Variants in SRP72 observed in about 807,000 individuals in gnomAD.
SRP72 encodes signal recognition particle subunit SRP72.
Under a neutral mutation model 96.3 loss-of-function variants are expected in SRP72, and 49 were observed. The ratio of observed to expected loss-of-function variants is 0.51; its 90% CI spans 0.40 to 0.65. SRP72 has a LOEUF of 0.65. SRP72 is among the 30% of genes least tolerant of loss of function. The pLI is 0.00. For missense variants in SRP72, 736 were observed against 793.3 expected (o/e 0.93, Z 0.87); for synonymous variants, 267 against 275.2 (o/e 0.97, Z 0.30).
chr4:56,473,907 T>C, intron 3 of SRP72, 147 bp from the exon 4 acceptor site: 1 of 730,216 alleles, frequency 1.4e-6, no homozygotes, highest in East Asian at 2.8e-5. Flanking sequence ...CATGGAACTA[T>C]TTAAAAATTA....
At position 56,502,512 on chromosome 4, in the gene SRP72, T is replaced by A. The variant is rs1425668340; in HGVS notation, c.*651T>A. On this transcript the variant is annotated 3_prime_UTR_variant, in exon 19 of 19. Coordinates refer to ENST00000642900, the MANE Select transcript of SRP72 (RefSeq NM_006947.4). ...ATATATATACATATATATATATATA[T>A]AAACATGAAATATATATATATGGCT... The A allele has an allele frequency of 6.2e-5, 9 of 146,332 alleles. No homozygotes were observed. The highest frequency in any genetic ancestry group is 1.0e-4 in the Non-Finnish European group (7 of 66,676). The allele number at this position is 146,332 out of a possible 1,614,324, so 9.1% of individuals were successfully genotyped here.
At chr4:56,482,110 G>A (rs1050864114) in intron 8 of SRP72, among the ~76,000 whole-genome samples, 5 of 147,692 alleles carry the variant, frequency 3.4e-5, no homozygotes, top group Non-Finnish European at 7.5e-5. Context: ...TCATATCTCT[G>A]TATCAGTATT....
Position 56,478,384 on chromosome 4 carries a change from G to A in SRP72, c.648G>A (p.Gly216=). The A allele has an allele frequency of 6.2e-7, 1 of 1,602,498 alleles. No homozygotes were observed. The highest frequency in any genetic ancestry group is 8.5e-7 in the Non-Finnish European group (1 of 1,175,918). Residue 216 remains glycine, a synonymous_variant, in exon 7 of 19, where the codon GGG becomes GGA. Transcript: ENST00000642900. The part of the protein sequence containing the change: ...CRRSLSEDTD[G]TEEDPQAELA... ...AAAACATTTCTTTCTCTTAGGATGG[G>A]ACTGAGGAAGACCCACAGGCAGAAC...
intron 14 of SRP72, 33 bp from the exon 15 acceptor site, chr4:56,490,535 A>G (rs1395607905): frequency 1.9e-6 from 3 of 1,606,848 alleles, no homozygotes; most frequent in Non-Finnish European, 2.6e-6. Context: ...AGTTTTATAA[A>G]CAGTTCAATA....
At position 56,473,637 on chromosome 4, in the gene SRP72, C is replaced by T. The variant is rs149006594; in HGVS notation, c.355-417C>T. 5.2e-3 allele frequency among the ~76,000 whole-genome samples: 763 copies of T among 147,718 alleles called. 4 individuals are homozygous for T. The highest frequency in any genetic ancestry group is 6.9e-3 in the Non-Finnish European group (463 of 67,094). ...AAAATTAGCCAGGCATGGTGGCGCA[C>T]GTCTGTAATCTCAGCTACTCGGGAG... On this transcript the variant is annotated intron_variant, in intron 3 of 18. Coordinates refer to ENST00000642900, the MANE Select transcript of SRP72 (RefSeq NM_006947.4).
intron 9 of SRP72, among the ~76,000 whole-genome samples, chr4:56,484,039 T>TTTTTTTTTTTTTG (rs1720609804): frequency 7.3e-6 from 1 of 136,178 alleles, no homozygotes; most frequent in Non-Finnish European, 1.6e-5. Context: ...TTTTTTTTTT[T>TTTTTTTTTTTTTG]TTTTTTTTTT....
At chr4:56,494,191 T>C (rs905861347) in intron 16 of SRP72, among the ~76,000 whole-genome samples, 5 of 152,104 alleles carry the variant, frequency 3.3e-5, no homozygotes, top group Non-Finnish European at 7.4e-5. Context: ...GGGTAAGAGA[T>C]GAAACACTCA....
intron 12 of SRP72, chr4:56,489,120 C>A (rs1560685112): frequency 3.2e-6 from 1 of 313,716 alleles, no homozygotes; most frequent in South Asian, 9.1e-5. Flanking sequence ...TTCTCAACTT[C>A]TGTACTTACC....
At chr4:56,474,412 A>G (rs759175771) in intron 5 of SRP72, 21 bp downstream of exon 5, 2 of 1,595,760 alleles carry the variant, frequency 1.3e-6, no homozygotes, top group Non-Finnish European at 1.7e-6. Flanking sequence ...TGTTAAACTT[A>G]TCTGTAAATA....
At chr4:56,468,979 G>T (rs1042924863) in intron 1 of SRP72, among the ~76,000 whole-genome samples, 11 of 152,202 alleles carry the variant, frequency 7.2e-5, no homozygotes, top group Non-Finnish European at 2.9e-5. Flanking sequence ...ACAGTTGTTA[G>T]CGTTGAAACT....
intron 15 of SRP72, 66 bp from the exon 16 acceptor site, chr4:56,491,365 C>A: frequency 6.5e-7 from 1 of 1,539,834 alleles, no homozygotes; most frequent in South Asian, 1.3e-5. Flanking sequence ...CATTGGCAAA[C>A]ATATATATCT....
intron 1 of SRP72, 85 bp downstream of exon 1, chr4:56,467,829 G>A: frequency 1.6e-6 from 2 of 1,273,952 alleles, no homozygotes; most frequent in South Asian, 1.8e-5. Context: ...ACCTCGCGCG[G>A]GAGGCACGGG....
chr4:56,487,986 A>G lies in SRP72; in HGVS notation c.1197A>G (p.Ile399Met). 2.5e-6 allele frequency: 4 copies of G among 1,600,630 alleles called. No homozygotes were observed. The highest frequency in any genetic ancestry group is 3.4e-6 in the Non-Finnish European group (4 of 1,176,776). ...ISKACLILRS[I>M]EELKHKPGMV... ...AAGCATGTCTAATATTGAGAAGCAT[A>G]GAGGAGTTAAAGCATAAACCAGGCA... The change falls in exon 12 of 19, where the codon ATA becomes ATG. Residue 399 changes from isoleucine (I) to methionine (M), a missense_variant. Physicochemically the swap from Ile to Met is conservative, Grantham distance 10. This residue lies in a region of SRP72 where 388 missense variants were observed against 431.8 expected (regional missense o/e 0.90). Coordinates refer to ENST00000642900, the MANE Select transcript of SRP72 (RefSeq NM_006947.4).
intron 2 of SRP72, among the ~76,000 whole-genome samples, chr4:56,471,413 C>T (rs1169603168): frequency 1.3e-5 from 2 of 152,174 alleles, no homozygotes; most frequent in African/African-American, 4.8e-5. Flanking sequence ...TTCAGATTAT[C>T]TTTGTATCTA....
At position 56,481,365 on chromosome 4, in the gene SRP72, T is replaced by G. The variant is rs1720476652; in HGVS notation, c.826-1774T>G. 2.0e-5 allele frequency among the ~76,000 whole-genome samples: 3 copies of G among 152,226 alleles called. No homozygotes were observed. In the South Asian group the frequency reaches 6.2e-4, roughly 31 times the overall value. On this transcript the variant is annotated intron_variant, in intron 8 of 18. Transcript: ENST00000642900. The stretch of plus-strand genomic sequence containing the variant: ...ATTGTGCACAAAGTAGATACTCACA[T>G]GCTCAGTTTGTGCTTCTCAGGATGC...
In SRP72 at chr4:56,502,200, ACTT is replaced by A. The variant is rs1721282866; in HGVS notation, c.*342_*344del. On this transcript the variant is annotated 3_prime_UTR_variant, in exon 19 of 19. Transcript: ENST00000642900. The stretch of plus-strand genomic sequence containing the variant: ...GTTTCCCAGGATTTAAACAGAAACT[ACTT>A]CTATGATTTCAGCTGGAGTCTGAAG... The A allele has an allele frequency of 4.5e-6, 1 of 220,470 alleles. No individual in the cohort carries two copies. Among genetic ancestry groups the A allele is most frequent in the Non-Finnish European group, 9.1e-6 (1 of 109,338 alleles). The allele number at this position is 220,470 out of a possible 1,614,324, so 13.7% of individuals were successfully genotyped here. A position where few individuals can be genotyped will look rare whatever the true frequency, so the allele number is the denominator to read the frequency against.
At chr4:56,483,950 A>G (rs1720601465) in intron 9 of SRP72, among the ~76,000 whole-genome samples, 1 of 151,946 alleles carries the variant, frequency 6.6e-6, no homozygotes, top group East Asian at 1.9e-4. Context: ...AGTCAATTCT[A>G]ACTCCAGTAA....
chr4:56,486,260 G>T (rs1398327107), intron 10 of SRP72, 65 bp from the exon 11 acceptor site: 6 of 1,158,020 alleles, frequency 5.2e-6, no homozygotes, highest in Non-Finnish European at 7.4e-6. Flanking sequence ...CTAAGTAATT[G>T]TAATGTATAC....
chr4:56,494,619 G>A (rs979230636), intron 16 of SRP72, among the ~76,000 whole-genome samples: 4 of 151,960 alleles, frequency 2.6e-5, no homozygotes, highest in Non-Finnish European at 5.9e-5. Context: ...GTCCAGGCTG[G>A]TCTGGAACTC....
Sources: gnomAD v4.1 joint callset for allele counts (sites outside exome capture counted in the v4.1 genomes callset) on GRCh38, gnomAD v4.1.1 for gene constraint, gnomAD v4.1.1 regional missense constraint, MANE v1.5 for transcripts, NCBI Gene and HGNC (gene_info 2026-07-23, HGNC 2026-07-21) for gene names.